The following AP5S1 variants were observed in gnomAD, a reference collection of about 807,000 sequenced individuals.
AP5S1 encodes the protein adaptor related protein complex 5 subunit sigma 1.
AP5S1 carries 13 observed loss-of-function variants against 13.9 expected under a neutral mutation model. The observed-to-expected ratio is 0.94, with a 90% CI of 0.61 to 1.49. The LOEUF (loss-of-function observed/expected upper bound fraction) is 1.49. AP5S1 is among the 40% of genes most tolerant of loss of function. The pLI is 0.00. For synonymous variants in AP5S1, 132 were observed against 121.8 expected, an observed-to-expected ratio of 1.08 and a Z score of -0.55; for missense variants, 292 against 272.3, an observed-to-expected ratio of 1.07 and a Z score of -0.51.
chr20:3,823,913 C>A lies in AP5S1; in HGVS notation c.219C>A (p.Gly73=), dbSNP rs755138972. 1 of 1,603,350 alleles carries A rather than the reference C, an allele frequency of 6.2e-7. No homozygotes were observed. The highest frequency in any genetic ancestry group is 1.1e-5 in the South Asian group (1 of 91,068). ...SMCRLQQQAS[G]RPPMDLQPQS... ...GTCGGCTGCAGCAGCAGGCATCTGGCCGGCCCCCCATGGACCTGCAGCCGC... is the reference window on the plus strand; with the variant it reads ...GTCGGCTGCAGCAGCAGGCATCTGGACGGCCCCCCATGGACCTGCAGCCGC... Residue 73 remains glycine, a synonymous_variant, in exon 3 of 3, where the codon GGC becomes GGA. Coordinates refer to ENST00000615891, the MANE Select transcript of AP5S1 (RefSeq NM_018347.3).
At position 3,824,549 on chromosome 20, in the gene AP5S1, G is replaced by A. The variant is rs952341352; in HGVS notation, c.*252G>A. On this transcript the variant is annotated 3_prime_UTR_variant, in exon 3 of 3. Coordinates refer to ENST00000615891, the MANE Select transcript of AP5S1 (RefSeq NM_018347.3). ...TAGACCGCTGCCGTGCGGCAGCCAC[G>A]CTTGTCCTTGAACCCACCTTCCTCC... 40 of 533,282 alleles carry A rather than the reference G, an allele frequency of 7.5e-5. No homozygotes were observed. Among genetic ancestry groups the A allele is most frequent in the African/African-American group, 4.7e-4 (25 of 52,734 alleles). The allele number at this position is 533,282 out of a possible 1,614,324, so 33.0% of individuals were successfully genotyped here. A position where few individuals can be genotyped will look rare whatever the true frequency, so the allele number is the denominator to read the frequency against.
Position 3,824,063 on chromosome 20 carries a change from C to T in AP5S1, c.369C>T (p.Ala123=), listed in dbSNP as rs1301473093. ...TGGGCGTGCTCTCGTTAGGCTTTGC[C>T]CTGGTGCTGGATGCCCATGAGAACC... ...VWLGVLSLGF[A]LVLDAHENLL... The change falls in exon 3 of 3, where the codon GCC becomes GCT. Residue 123 remains alanine (A), a synonymous_variant. Coordinates refer to ENST00000615891, the MANE Select transcript of AP5S1 (RefSeq NM_018347.3). 2 of 1,613,924 alleles carry T rather than the reference C, an allele frequency of 1.2e-6. No homozygotes were observed. The highest frequency in any genetic ancestry group is 1.7e-5 in the Admixed American group (1 of 60,012).
At position 3,822,154 on chromosome 20, in the gene AP5S1, C is replaced by T. The variant is rs867986897; in HGVS notation, c.37C>T (p.Pro13Ser). 1 of 1,614,076 alleles carries T rather than the reference C, an allele frequency of 6.2e-7. No individual in the cohort carries two copies. Among genetic ancestry groups the T allele is most frequent in the Non-Finnish European group, 8.5e-7 (1 of 1,180,012 alleles). The part of the protein sequence containing the change: ...HAFLIHTLRA[P>S]NTEDTGLCRV... ...CTTCCTCATTCACACCTTGAGGGCC[C>T]CGAATACTGAGGACACGGGCCTTTG... The change falls in exon 2 of 3, where the codon CCG becomes TCG. Residue 13 changes from proline to serine, a missense_variant. Coordinates refer to ENST00000615891, the MANE Select transcript of AP5S1 (RefSeq NM_018347.3).
At chr20:3,823,441 C>T (rs1260460636) in intron 2 of AP5S1, 6 of 642,550 alleles carry the variant, frequency 9.3e-6, no homozygotes, top group African/African-American at 4.0e-5. Context: ...TTAGTAGAGA[C>T]GGGGTTTCAC....
Position 3,825,751 on chromosome 20 carries a change from G to T in AP5S1, c.*1454G>T, listed in dbSNP as rs542555191. The T allele has an allele frequency of 6.6e-6, 1 of 152,224 alleles. No homozygotes were observed. The highest frequency in any genetic ancestry group is 6.6e-5 in the Admixed American group (1 of 15,264). The allele number at this position is 152,224 out of a possible 1,614,324, so 9.4% of individuals were successfully genotyped here. The stretch of plus-strand genomic sequence containing the variant: ...TGAGAGGTGGCGGCTGTGGGTGTTT[G>T]CCTACTGCCTTTAGTCAGTGGTTAC... On this transcript the variant is annotated 3_prime_UTR_variant, in exon 3 of 3. Transcript: ENST00000615891.
At position 3,825,786 on chromosome 20, in the gene AP5S1, C is replaced by T. The variant is rs369875018; in HGVS notation, c.*1489C>T. 6 of 151,984 alleles carry T rather than the reference C, an allele frequency of 3.9e-5. No individual in the cohort carries two copies. The South Asian group carries it at 6.2e-4, about 16-fold the overall frequency. The allele number at this position is 151,984 out of a possible 1,614,324, so 9.4% of individuals were successfully genotyped here. A position where few individuals can be genotyped will look rare whatever the true frequency, so the allele number is the denominator to read the frequency against. On this transcript the variant is annotated 3_prime_UTR_variant, in exon 3 of 3. Coordinates refer to ENST00000615891, the MANE Select transcript of AP5S1 (RefSeq NM_018347.3). The stretch of plus-strand genomic sequence containing the variant: ...TTTAGTCAGTGGTTACAGGTTGATC[C>T]CAGGGTGCATACATTCCCTGGCTCT...
In AP5S1 at chr20:3,820,721, C is replaced by T. The variant is rs2146727897; in HGVS notation, c.-54C>T. On this transcript the variant is annotated 5_prime_UTR_variant, in exon 1 of 3. Transcript: ENST00000615891. ...GACCGGAGTAAGAAACTACAACCCC[C>T]GAAGTGCCTTGCGCCTCAAGGTTAC... 1 of 152,416 alleles carries T rather than the reference C, an allele frequency of 6.6e-6. No individual in the cohort carries two copies. The highest frequency in any genetic ancestry group is 1.5e-5 in the Non-Finnish European group (1 of 68,084). 9.4% of individuals were successfully genotyped at this position (152,416 alleles called of 1,614,324 possible).
Position 3,822,125 on chromosome 20 carries a change from A to G in AP5S1, c.8A>G (p.His3Arg). ...AGCACCCACCCTGGAGCCATGGTCC[A>G]CGCCTTCCTCATTCACACCTTGAGG... Reference protein sequence around the residue: MVHAFLIHTLRAP... With the variant: MVRAFLIHTLRAP... The change falls in exon 2 of 3, where the codon CAC becomes CGC. Residue 3 changes from histidine (H) to arginine (R), a missense_variant. Physicochemically the swap from His to Arg is conservative, Grantham distance 29. Transcript: ENST00000615891. 6.2e-7 allele frequency: 1 copy of G among 1,613,532 alleles called. No individual in the cohort carries two copies. The highest frequency in any genetic ancestry group is 8.5e-7 in the Non-Finnish European group (1 of 1,179,882).
rs1476695731 is a variant in AP5S1 at position 3,828,642 on chromosome 20, T to C, written c.*4345T>C. The C allele has an allele frequency of 6.6e-6, 1 of 152,254 alleles. No homozygotes were observed. Among genetic ancestry groups the C allele is most frequent in the East Asian group, 1.9e-4 (1 of 5,208 alleles). The allele number at this position is 152,254 out of a possible 1,614,324, so 9.4% of individuals were successfully genotyped here. Reference sequence around the variant, plus strand: ...TACTGTATATGTAGCCTTTTCAGATTGACTTCCTTCACTTAGTAATGTACA... The same window carrying C: ...TACTGTATATGTAGCCTTTTCAGATCGACTTCCTTCACTTAGTAATGTACA... On this transcript the variant is annotated 3_prime_UTR_variant, in exon 3 of 3. Coordinates refer to ENST00000615891, the MANE Select transcript of AP5S1 (RefSeq NM_018347.3).
chr20:3,823,539 C>G (rs1035309740), intron 2 of AP5S1: 3 of 985,302 alleles, frequency 3.0e-6, no homozygotes, highest in African/African-American at 3.5e-5. Context: ...GCTTGAGCCA[C>G]CGCGCCTGGC....
At chr20:3,823,499 C>T (rs1216229769) in intron 2 of AP5S1, 2 of 973,660 alleles carry the variant, frequency 2.1e-6, no homozygotes, top group Non-Finnish European at 2.4e-6. Context: ...GATCCGCCCG[C>T]CTCGGCCTCC....
chr20:3,823,563 T>A, intron 2 of AP5S1: 2 of 985,408 alleles, frequency 2.0e-6, no homozygotes, highest in Non-Finnish European at 2.4e-6. Flanking sequence ...GCCGCTTCCC[T>A]TTCCTTTATG....
chr20:3,822,367 G>A (rs2089590584), intron 2 of AP5S1, 74 bp downstream of exon 2: 2 of 1,463,812 alleles, frequency 1.4e-6, no homozygotes, highest in African/African-American at 1.4e-5. Flanking sequence ...GGGGAGTGGG[G>A]ACGCAGAGAA....
In AP5S1 at chr20:3,828,321, A is replaced by G. The variant is rs1022121032; in HGVS notation, c.*4024A>G. 7 of 152,174 alleles carry G rather than the reference A, an allele frequency of 4.6e-5. No homozygotes were observed. Among genetic ancestry groups the G allele is most frequent in the Non-Finnish European group, 1.5e-5 (1 of 68,030 alleles). 9.4% of individuals were successfully genotyped at this position (152,174 alleles called of 1,614,324 possible). On this transcript the variant is annotated 3_prime_UTR_variant, in exon 3 of 3. Transcript: ENST00000615891. ...ATGCACAGCCTCCCTTATCACCAAC[A>G]CTGGGCACCAGAGTGGTCATTTGTT...
Position 3,824,412 on chromosome 20 carries a change from T to C in AP5S1, c.*115T>C. The C allele has an allele frequency of 9.1e-7, 1 of 1,099,214 alleles. No individual in the cohort carries two copies. The highest frequency in any genetic ancestry group is 1.3e-6 in the Non-Finnish European group (1 of 775,000). 68.1% of individuals were successfully genotyped at this position (1,099,214 alleles called of 1,614,324 possible). Reference sequence around the variant, plus strand: ...TGATGTGCTGCTATACCAGGACAAGTGGGTGACACAAGCCTGCAGAAAGGG... The same window carrying C: ...TGATGTGCTGCTATACCAGGACAAGCGGGTGACACAAGCCTGCAGAAAGGG... On this transcript the variant is annotated 3_prime_UTR_variant, in exon 3 of 3. Transcript: ENST00000615891.
At position 3,824,659 on chromosome 20, in the gene AP5S1, G is replaced by A. The variant is rs539221146; in HGVS notation, c.*362G>A. The A allele has an allele frequency of 5.3e-5, 14 of 262,968 alleles. No individual in the cohort carries two copies. Among genetic ancestry groups the A allele is most frequent in the African/African-American group, 8.9e-5 (4 of 45,144 alleles). The allele number at this position is 262,968 out of a possible 1,614,324, so 16.3% of individuals were successfully genotyped here. On this transcript the variant is annotated 3_prime_UTR_variant, in exon 3 of 3. Transcript: ENST00000615891. ...TCCAAACCCACAGTCAAGGCCAGGC[G>A]CGGTGGCTCACGCCTGTAATCCCAG...
rs2089624461 is a variant in AP5S1 at position 3,826,303 on chromosome 20, G to C, written c.*2006G>C. 1 of 152,176 alleles carries C rather than the reference G, an allele frequency of 6.6e-6. No homozygotes were observed. The highest frequency in any genetic ancestry group is 1.5e-5 in the Non-Finnish European group (1 of 68,052). The allele number at this position is 152,176 out of a possible 1,614,324, so 9.4% of individuals were successfully genotyped here. On this transcript the variant is annotated 3_prime_UTR_variant, in exon 3 of 3. Transcript: ENST00000615891. ...TGAAGACCTAAAGGGATGTTACTCT[G>C]TGTGTGTGGCCAAGTCCCACCAGTG...
rs74377194 is a variant in AP5S1, at chr20:3,822,370, G to A, written c.176+77G>A. On this transcript the variant is annotated intron_variant, in intron 2 of 2. Coordinates refer to ENST00000615891, the MANE Select transcript of AP5S1 (RefSeq NM_018347.3). Reference sequence around the variant, plus strand: ...ATAGGTATTTTCGGGGAGTGGGGACGCAGAGAAATAGGAGGACTAAGAAGC... The same window carrying A: ...ATAGGTATTTTCGGGGAGTGGGGACACAGAGAAATAGGAGGACTAAGAAGC... The A allele has an allele frequency of 4.1e-3, 5,839 of 1,429,576 alleles. 186 individuals are homozygous for A. The African/African-American group carries it at 0.07, about 17-fold the overall frequency. The allele number at this position is 1,429,576 out of a possible 1,614,324, so 88.6% of individuals were successfully genotyped here.
chr20:3,823,405 C>T (rs6052097), intron 2 of AP5S1: 11,792 of 408,412 alleles, frequency 0.029, 1,371 homozygotes, highest in African/African-American at 0.24. Context: ...CCCGCCACCA[C>T]GCCTGGCTAA....
Sources: gnomAD v4.1 joint callset for allele counts on GRCh38, gnomAD v4.1.1 for gene constraint, MANE v1.5 for transcripts, NCBI Gene and HGNC (gene_info 2026-07-23, HGNC 2026-07-21) for gene names.